Variants in BIRC7 observed in about 807,000 individuals in gnomAD.
BIRC7 encodes the protein baculoviral IAP repeat containing 7, also known as baculoviral IAP repeat-containing protein 7.
BIRC7 carries 26 observed loss-of-function variants against 33.2 expected under a neutral mutation model. That is an observed-to-expected ratio of 0.78 (90% CI 0.57 to 1.09). The LOEUF (loss-of-function observed/expected upper bound fraction) is 1.09, where lower values mean the gene tolerates loss of function less well. Among genes scored for constraint, BIRC7 ranks in the 50% least tolerant of loss-of-function variants. The probability of loss-of-function intolerance (pLI) is 0.00; values close to 1 mark genes in which losing one functional copy is unlikely to be tolerated. For missense variants in BIRC7, 409 were observed against 401.2 expected, an observed-to-expected ratio of 1.02 and a Z score of -0.17; for synonymous variants, 176 against 171.0, an observed-to-expected ratio of 1.03 and a Z score of -0.23.
In BIRC7 at chr20:63,236,284, C is replaced by T. The variant is rs779681359; in HGVS notation, c.188C>T (p.Thr63Ile). 1 of 1,611,214 alleles carries T rather than the reference C, an allele frequency of 6.2e-7. No individual in the cohort carries two copies. Among genetic ancestry groups the T allele is most frequent in the Non-Finnish European group, 8.5e-7 (1 of 1,179,318 alleles). Residue 63 changes from threonine (T) to isoleucine (I), a missense_variant, in exon 1 of 7, where the codon ACA becomes ATA. Coordinates refer to ENST00000217169, the MANE Select transcript of BIRC7 (RefSeq NM_139317.3). ...GQILGQLRPL[T>I]EEEEEEGAGA... Reference sequence around the variant, plus strand: ...ATCCTGGGCCAGCTGCGGCCCCTGACAGAGGAGGAAGAGGAGGAGGGCGCC... The same window carrying T: ...ATCCTGGGCCAGCTGCGGCCCCTGATAGAGGAGGAAGAGGAGGAGGGCGCC...
chr20:63,238,529 C>T (rs914112625), intron 3 of BIRC7, 40 bp from the exon 4 acceptor site: 3 of 1,613,044 alleles, frequency 1.9e-6, no homozygotes, highest in Non-Finnish European at 2.5e-6. Flanking sequence ...TCCTGCCCCT[C>T]CTATTTCCCC....
At chr20:63,239,632 G>A (rs749378394) in intron 6 of BIRC7, 22 bp downstream of exon 6, 31 of 1,573,952 alleles carry the variant, frequency 2.0e-5, no homozygotes, top group South Asian at 4.5e-5. Flanking sequence ...AGCACCACGC[G>A]CAGCCAGCCC....
At chr20:63,238,095 C>T (rs962038497) in intron 2 of BIRC7, 93 bp downstream of exon 2, 11 of 1,216,894 alleles carry the variant, frequency 9.0e-6, no homozygotes, top group Non-Finnish European at 1.2e-5. Context: ...CCTGCTTTGC[C>T]TCCCTGGCCC....
rs773350140 is a variant in BIRC7 at position 63,236,104 on chromosome 20, C to T, written c.8C>T (p.Pro3Leu). Residue 3 changes from proline (P) to leucine (L), a missense_variant, in exon 1 of 7, where the codon CCT (proline) becomes CTT (leucine). Transcript: ENST00000217169. Reference protein sequence around the residue: MGPKDSAKCLHRG... With the variant: MGLKDSAKCLHRG... Reference sequence around the variant, plus strand: ...AGAGCCAGTGTTCCCTCCATGGGACCTAAAGACAGTGCCAAGTGCCTGCAC... The same window carrying T: ...AGAGCCAGTGTTCCCTCCATGGGACTTAAAGACAGTGCCAAGTGCCTGCAC... 6.4e-7 allele frequency: 1 copy of T among 1,553,636 alleles called. No homozygotes were observed. The highest frequency in any genetic ancestry group is 1.2e-5 in the South Asian group (1 of 85,540).
intron 1 of BIRC7, among the ~76,000 whole-genome samples, chr20:63,236,667 TGA>T (rs1438442850): frequency 3.3e-5 from 5 of 152,046 alleles, no homozygotes; most frequent in Non-Finnish European, 7.4e-5. Flanking sequence ...CCGTGGGATG[TGA>T]GGAGGGGCTG....
In BIRC7 at chr20:63,236,151, TGG is replaced by T; in HGVS notation, c.57_58del (p.Trp19CysfsTer4). ...CLHRGPQPSH[W>X]AAGDGPTQER... ...GCACCGTGGACCACAGCCGAGCCAC[TGG>T]GCAGCCGGTGATGGTCCCACGCAGG... is the stretch of plus-strand genomic sequence containing the variant. On this transcript the variant is annotated frameshift_variant, in exon 1 of 7. Coordinates refer to ENST00000217169, the MANE Select transcript of BIRC7 (RefSeq NM_139317.3). LOFTEE classifies it high-confidence loss of function. The T allele has an allele frequency of 6.3e-7, 1 of 1,591,696 alleles. No homozygotes were observed. Among genetic ancestry groups the T allele is most frequent in the Non-Finnish European group, 8.6e-7 (1 of 1,168,414 alleles).
chr20:63,238,690 C>T (rs1196962818), intron 4 of BIRC7, 76 bp downstream of exon 4: 12 of 1,559,916 alleles, frequency 7.7e-6, no homozygotes, highest in Non-Finnish European at 7.9e-6. Flanking sequence ...TGGGTGTCCC[C>T]ACCCTCCCAG....
rs1213918273 is a variant in BIRC7, at chr20:63,239,450, G to A, written c.742G>A (p.Glu248Lys). Residue 248 changes from glutamate to lysine, a missense_variant, in exon 6 of 7, where the codon GAG becomes AAG. Transcript: ENST00000217169. ...DVEAQLRRLQEERTCKVCLDR... is the reference protein window; with the variant it reads ...DVEAQLRRLQKERTCKVCLDR... ...GGAGGCGCAGCTGCGGCGGCTGCAG[G>A]AGGAGAGGACGTGCAAGGTGTGCCT... 3 of 1,606,612 alleles carry A rather than the reference G, an allele frequency of 1.9e-6. No individual in the cohort carries two copies. Among genetic ancestry groups the A allele is most frequent in the African/African-American group, 2.7e-5 (2 of 74,910 alleles).
intron 4 of BIRC7, 177 bp downstream of exon 4, chr20:63,238,791 G>A: frequency 3.6e-6 from 3 of 828,780 alleles, no homozygotes; most frequent in Non-Finnish European, 5.6e-6. Flanking sequence ...GTGGGGGCGG[G>A]GCGGCAGGGG....
chr20:63,239,691 A>T, intron 6 of BIRC7, 81 bp downstream of exon 6: 2 of 1,455,942 alleles, frequency 1.4e-6, no homozygotes, highest in Non-Finnish European at 1.8e-6. Context: ...TCCTGAACCC[A>T]TGCAGGCCCT....
chr20:63,238,440 G>A lies in BIRC7; in HGVS notation c.494G>A (p.Ser165Asn), dbSNP rs1291538457. 6.2e-7 allele frequency: 1 copy of A among 1,612,548 alleles called. No individual in the cohort carries two copies. The highest frequency in any genetic ancestry group is 8.5e-7 in the Non-Finnish European group (1 of 1,179,954). ...LRSKGRDFVH[S>N]VQETHSQLLG... is the part of the protein sequence containing the mutation. Reference sequence around the variant, plus strand: ...TCAAAAGGAAGAGACTTTGTCCACAGTGTGCAGGAGACTCACTCCCAGCTG... The same window carrying A: ...TCAAAAGGAAGAGACTTTGTCCACAATGTGCAGGAGACTCACTCCCAGCTG... Residue 165 changes from serine (S) to asparagine (N), a missense_variant, in exon 3 of 7, where the codon AGT becomes AAT. Coordinates refer to ENST00000217169, the MANE Select transcript of BIRC7 (RefSeq NM_139317.3).
In BIRC7 at chr20:63,236,406, C is replaced by T; in HGVS notation, c.310C>T (p.Pro104Ser). Residue 104 changes from proline to serine, a missense_variant, in exon 1 of 7, where the codon CCA becomes TCA. Coordinates refer to ENST00000217169, the MANE Select transcript of BIRC7 (RefSeq NM_139317.3). ...TGACTGGCCGCTGACTGCTGAGGTG[C>T]CACCCGAGCTGCTGGCTGCTGCCGG... ...FYDWPLTAEV[P>S]PELLAAAGFF... 1 of 1,553,282 alleles carries T rather than the reference C, an allele frequency of 6.4e-7. No individual in the cohort carries two copies. Among genetic ancestry groups the T allele is most frequent in the South Asian group, 1.2e-5 (1 of 82,272 alleles).
In BIRC7 at chr20:63,239,357, G is replaced by A. The variant is rs1166880997; in HGVS notation, c.650-1G>A. 1 of 1,602,872 alleles carries A rather than the reference G, an allele frequency of 6.2e-7. No individual in the cohort carries two copies. The highest frequency in any genetic ancestry group is 1.7e-5 in the Admixed American group (1 of 59,978). On this transcript the variant is annotated splice_acceptor_variant, in intron 5 of 6. Coordinates refer to ENST00000217169, the MANE Select transcript of BIRC7 (RefSeq NM_139317.3). LOFTEE classifies it high-confidence loss of function. ...GACATTTCGCAGGCCTGTCCTCCTAGGAGGGGTCAGTCCAGCCGAGGCCCA... is the reference window on the plus strand; with the variant it reads ...GACATTTCGCAGGCCTGTCCTCCTAAGAGGGGTCAGTCCAGCCGAGGCCCA...
At chr20:63,237,154 T>A (rs1187586453) in intron 1 of BIRC7, among the ~76,000 whole-genome samples, 1 of 152,086 alleles carries the variant, frequency 6.6e-6, no homozygotes, top group Non-Finnish European at 1.5e-5. Flanking sequence ...GGCACCATCC[T>A]GGTAAGGCTG....
chr20:63,239,705 C>T (rs2066721855), intron 6 of BIRC7, 95 bp downstream of exon 6: 12 of 1,417,548 alleles, frequency 8.5e-6, no homozygotes, highest in Admixed American at 7.9e-5. Context: ...AGGCCCTTCC[C>T]GGGTGGCAGC....
intron 2 of BIRC7, 42 bp downstream of exon 2, chr20:63,238,044 A>T (rs2066702736): frequency 3.7e-5 from 54 of 1,464,614 alleles, no homozygotes; most frequent in Non-Finnish European, 4.8e-5. Context: ...GATCATGGGT[A>T]GGGGGTGGGC....
chr20:63,239,238 A>G lies in BIRC7; in HGVS notation c.649+5A>G, dbSNP rs760352384. 3.2e-6 allele frequency: 5 copies of G among 1,564,382 alleles called. No homozygotes were observed. The highest frequency in any genetic ancestry group is 4.3e-6 in the Non-Finnish European group (5 of 1,159,336). On this transcript the variant is annotated splice_donor_5th_base_variant and intron_variant, in intron 5 of 6. Transcript: ENST00000217169. ...CTGAAAGTGCCCAGGAGCCAGGTGC[A>G]GGCCCGGGACCCCCTGGGTGAGGGC... is the stretch of plus-strand genomic sequence containing the variant.
At position 63,240,373 on chromosome 20, in the gene BIRC7, G is replaced by A. The variant is rs1013963573; in HGVS notation, c.*123G>A. The A allele has an allele frequency of 9.8e-5, 15 of 152,590 alleles. No homozygotes were observed. The highest frequency in any genetic ancestry group is 1.8e-4 in the Non-Finnish European group (12 of 68,362). The allele number at this position is 152,590 out of a possible 1,614,324, so 9.5% of individuals were successfully genotyped here. A position where few individuals can be genotyped will look rare whatever the true frequency, so the allele number is the denominator to read the frequency against. On this transcript the variant is annotated 3_prime_UTR_variant, in exon 7 of 7. Coordinates refer to ENST00000217169, the MANE Select transcript of BIRC7 (RefSeq NM_139317.3). ...GCTGGTGTCCATCCAGCACTGACCA[G>A]CCCTGATTCCCCGACCACCGCCCAG...
In BIRC7 at chr20:63,236,173, C is replaced by G. The variant is rs748887501; in HGVS notation, c.77C>G (p.Thr26Arg). The change falls in exon 1 of 7, where the codon ACG becomes AGG. Residue 26 changes from threonine (T) to arginine (R), a missense_variant. Transcript: ENST00000217169. ...PSHWAAGDGP[T>R]QERCGPRSLG... ...CACTGGGCAGCCGGTGATGGTCCCACGCAGGAGCGCTGTGGACCCCGCTCT... is the reference window on the plus strand; with the variant it reads ...CACTGGGCAGCCGGTGATGGTCCCAGGCAGGAGCGCTGTGGACCCCGCTCT... The G allele has an allele frequency of 2.5e-6, 4 of 1,590,640 alleles. No individual in the cohort carries two copies. In the East Asian group the frequency reaches 6.9e-5, roughly 27 times the overall value.
Sources: gnomAD v4.1 joint callset for allele counts (sites outside exome capture counted in the v4.1 genomes callset) on GRCh38, gnomAD v4.1.1 for gene constraint, MANE v1.5 for transcripts, NCBI Gene and HGNC (gene_info 2026-07-23, HGNC 2026-07-21) for gene names.